PDE3B: variants seen among roughly 807,000 people sequenced by gnomAD.
PDE3B encodes cGMP-inhibited 3',5'-cyclic phosphodiesterase 3B.
A neutral mutation model predicts 116.8 loss-of-function variants in PDE3B; 66 were observed. The observed-to-expected ratio is 0.56, with a 90% CI of 0.46 to 0.69. The LOEUF is 0.69. PDE3B is among the 30% of genes least tolerant of loss of function. The pLI is 0.00. For synonymous variants in PDE3B, 595 were observed against 533.6 expected (o/e 1.12, Z -1.59); for missense variants, 1,384 against 1,368.1 (o/e 1.01, Z -0.18).
intron 1 of PDE3B, among the ~76,000 whole-genome samples, chr11:14,771,097 A>G (rs1041379893): frequency 4.0e-5 from 6 of 151,732 alleles, no homozygotes; most frequent in African/African-American, 1.4e-4. Flanking sequence ...TTCAATATAT[A>G]GAAATTATGA....
chr11:14,739,263 TC>T lies in PDE3B; in HGVS notation c.979-32672del, dbSNP rs550189896. Among the ~76,000 whole-genome samples the T allele has an allele frequency of 1.3e-3, 204 of 152,342 alleles. 1 individual carries two copies. The highest frequency in any genetic ancestry group is 4.7e-3 in the African/African-American group (197 of 41,590). ...TGGAATGTGTTTCCATTTGTTTGTGTCCTCTCTTATTTCCTTGAGCAGTGGT... is the reference window on the plus strand; with the variant it reads ...TGGAATGTGTTTCCATTTGTTTGTGTCTCTCTTATTTCCTTGAGCAGTGGT... On this transcript the variant is annotated intron_variant, in intron 1 of 15. Transcript: ENST00000282096.
chr11:14,837,635 G>T (rs190003068), intron 11 of PDE3B, among the ~76,000 whole-genome samples: 2 of 152,230 alleles, frequency 1.3e-5, no homozygotes, highest in African/African-American at 4.8e-5. Context: ...AATGACTTAG[G>T]TATAGTATTC....
chr11:14,875,115 G>A (rs1414219259), downstream of PDE3B, among the ~76,000 whole-genome samples: 1 of 151,938 alleles, frequency 6.6e-6, no homozygotes, highest in African/African-American at 2.4e-5. Context: ...AATGAGATGG[G>A]GCAAATTGTT....
chr11:14,691,620 T>C (rs1469551653), intron 1 of PDE3B, among the ~76,000 whole-genome samples: 1 of 152,188 alleles, frequency 6.6e-6, no homozygotes, highest in East Asian at 1.9e-4. Context: ...GGAGCAGGTC[T>C]AGGTGCTGGA....
chr11:14,770,254 G>T (rs185638886), intron 1 of PDE3B, among the ~76,000 whole-genome samples: 1 of 151,152 alleles, frequency 6.6e-6, no homozygotes, highest in Non-Finnish European at 1.5e-5. Context: ...ACATCTATTC[G>T]TGAACTTAAG....
At chr11:14,775,936 T>TA (rs1857772649) in intron 2 of PDE3B, 1 of 152,250 alleles carries the variant, frequency 6.6e-6, no homozygotes. Flanking sequence ...CTGCATGTGT[T>TA]ACCATATGTA....
intron 15 of PDE3B, among the ~76,000 whole-genome samples, chr11:14,868,858 T>G (rs1257044460): frequency 1.3e-5 from 2 of 152,018 alleles, no homozygotes; most frequent in African/African-American, 4.8e-5. Context: ...CCATCTCTAC[T>G]AAAAATACAA....
intron 1 of PDE3B, among the ~76,000 whole-genome samples, chr11:14,688,247 TG>T (rs2133803313): frequency 1.3e-5 from 2 of 152,074 alleles, no homozygotes; most frequent in South Asian, 4.2e-4. Flanking sequence ...GATTTGAATT[TG>T]AAATATTTTT....
At chr11:14,667,444 A>T (rs1361867742) in intron 1 of PDE3B, among the ~76,000 whole-genome samples, 1 of 150,868 alleles carries the variant, frequency 6.6e-6, no homozygotes, top group Non-Finnish European at 1.5e-5. Flanking sequence ...TAATAATAAT[A>T]AAATTAAATT....
intron 1 of PDE3B, among the ~76,000 whole-genome samples, chr11:14,667,256 G>C (rs1205101711): frequency 6.6e-6 from 1 of 150,578 alleles, no homozygotes; most frequent in Non-Finnish European, 1.5e-5. Context: ...GACACAGGAA[G>C]GGGAACATCA....
chr11:14,810,352 G>A (rs1318382572), intron 5 of PDE3B, among the ~76,000 whole-genome samples: 1 of 128,576 alleles, frequency 7.8e-6, no homozygotes, highest in Non-Finnish European at 1.5e-5. Context: ...AGAGTGTGAT[G>A]TTCCCCTTCC....
At chr11:14,811,580 C>T (rs1262290785) in intron 5 of PDE3B, among the ~76,000 whole-genome samples, 13 of 152,098 alleles carry the variant, frequency 8.5e-5, no homozygotes, top group Non-Finnish European at 1.8e-4. Context: ...AGTGTGATGC[C>T]TCCAGCTTTG....
At chr11:14,655,009 T>C (rs1007528660) in intron 1 of PDE3B, among the ~76,000 whole-genome samples, 5 of 152,028 alleles carry the variant, frequency 3.3e-5, no homozygotes, top group African/African-American at 7.2e-5. Flanking sequence ...AAAAAGATGA[T>C]AGAAATAAAT....
chr11:14,797,689 A>T (rs1305244259), intron 4 of PDE3B, among the ~76,000 whole-genome samples: 4 of 152,148 alleles, frequency 2.6e-5, no homozygotes, highest in Admixed American at 2.6e-4. Context: ...TCTTTATAAC[A>T]AGTGTGAATG....
intron 2 of PDE3B, among the ~76,000 whole-genome samples, chr11:14,781,151 T>C (rs1201582144): frequency 6.6e-6 from 1 of 152,076 alleles, no homozygotes; most frequent in Non-Finnish European, 1.5e-5. Flanking sequence ...TAACAGGCTG[T>C]GAAATTGAGG....
intron 11 of PDE3B, among the ~76,000 whole-genome samples, chr11:14,838,081 C>A (rs946689028): frequency 2.6e-5 from 4 of 151,764 alleles, no homozygotes; most frequent in Non-Finnish European, 5.9e-5. Flanking sequence ...TGGGTTCATG[C>A]GATTCTCCTG....
In PDE3B at chr11:14,798,231, G is replaced by A. The variant is rs1036129728; in HGVS notation, c.1416-5713G>A. Reference sequence around the variant, plus strand: ...TGGTTCTGTTTATGTGATGGATTACGTTTATTGATTTGTGTATGTTGAACC... The same window carrying A: ...TGGTTCTGTTTATGTGATGGATTACATTTATTGATTTGTGTATGTTGAACC... On this transcript the variant is annotated intron_variant, in intron 4 of 15. Coordinates refer to ENST00000282096, the MANE Select transcript of PDE3B (RefSeq NM_000922.4). Among the ~76,000 whole-genome samples, 8 of 152,224 alleles carry A rather than the reference G, an allele frequency of 5.3e-5. No individual in the cohort carries two copies. In the East Asian group the frequency reaches 9.6e-4, roughly 18 times the overall value.
At chr11:14,816,734 C>T (rs1859343497) in intron 5 of PDE3B, among the ~76,000 whole-genome samples, 1 of 152,154 alleles carries the variant, frequency 6.6e-6, no homozygotes, top group Admixed American at 6.5e-5. Flanking sequence ...GAAATACTTT[C>T]ATGTAATTTT....
At chr11:14,725,326 TCTTTTTCTTTCTTTCTTTCTTTC>T (rs1856265353) in intron 1 of PDE3B, among the ~76,000 whole-genome samples, 1 of 150,698 alleles carries the variant, frequency 6.6e-6, no homozygotes, top group Non-Finnish European at 1.5e-5. Flanking sequence ...TTTCTTTCTT[TCTTTTTCTTTCTTTCTTTCTTTC>T]TTCTTTCTCC....
Sources: gnomAD v4.1 joint callset for allele counts (sites outside exome capture counted in the v4.1 genomes callset) on GRCh38, gnomAD v4.1.1 for gene constraint, MANE v1.5 for transcripts, NCBI Gene and HGNC (gene_info 2026-07-23, HGNC 2026-07-21) for gene names.